Variants in RFTN2 observed in about 807,000 individuals in gnomAD.
RFTN2 encodes raftlin family member 2.
In RFTN2, 34 loss-of-function variants were observed where a neutral mutation model predicts 52.7. The observed-to-expected ratio is 0.64, with a 90% CI of 0.49 to 0.86. The LOEUF (loss-of-function observed/expected upper bound fraction) is 0.86. Among genes scored for constraint, RFTN2 ranks in the 40% least tolerant of loss-of-function variants. The pLI is 0.00. For synonymous variants in RFTN2, 203 were observed against 217.7 expected (o/e 0.93, Z 0.59); for missense variants, 536 against 600.1 (o/e 0.89, Z 1.12).
chr2:197,649,759 T>A (rs773002869), intron 1 of RFTN2, among the ~76,000 whole-genome samples: 19 of 152,196 alleles, frequency 1.2e-4, no homozygotes, highest in Non-Finnish European at 1.8e-4. Context: ...AACACTCTGT[T>A]CTTTGCAATC....
chr2:197,574,891 A>G (rs1160892988), intron 8 of RFTN2, among the ~76,000 whole-genome samples: 1 of 151,996 alleles, frequency 6.6e-6, no homozygotes, highest in African/African-American at 2.4e-5. Context: ...ACAAACAAAC[A>G]AACAAACAAA....
intron 1 of RFTN2, among the ~76,000 whole-genome samples, chr2:197,646,994 G>A (rs980410210): frequency 6.7e-6 from 1 of 149,350 alleles, no homozygotes; most frequent in Non-Finnish European, 1.5e-5. Flanking sequence ...TCAGAAAAAA[G>A]GAAAAGTGAC....
chr2:197,637,013 T>C (rs1323811516), intron 3 of RFTN2, among the ~76,000 whole-genome samples: 1 of 152,038 alleles, frequency 6.6e-6, no homozygotes, highest in Non-Finnish European at 1.5e-5. Context: ...GGTTTTTGTC[T>C]TTGGCTCTGT....
At chr2:197,607,030 C>T (rs534780052) in intron 7 of RFTN2, among the ~76,000 whole-genome samples, 3 of 152,244 alleles carry the variant, frequency 2.0e-5, no homozygotes, top group Admixed American at 1.3e-4. Context: ...CACATGCACA[C>T]GTATGTTTAT....
intron 3 of RFTN2, among the ~76,000 whole-genome samples, chr2:197,643,462 T>C (rs2088702903): frequency 6.6e-6 from 1 of 152,192 alleles, no homozygotes; most frequent in Non-Finnish European, 1.5e-5. Context: ...TGGTGAGGTA[T>C]TAGTTCTCAG....
chr2:197,650,081 G>GT (rs1194773487), intron 1 of RFTN2, among the ~76,000 whole-genome samples: 2 of 151,696 alleles, frequency 1.3e-5, no homozygotes, highest in Non-Finnish European at 2.9e-5. Flanking sequence ...TGTCATGTAT[G>GT]TTTTACTACA....
chr2:197,674,360 A>AAAAAAAAAAAAAAT, intron 1 of RFTN2, among the ~76,000 whole-genome samples: 1 of 149,720 alleles, frequency 6.7e-6, no homozygotes, highest in Non-Finnish European at 1.5e-5. Flanking sequence ...AAAAAAAAAA[A>AAAAAAAAAAAAAAT]AAAGAAAAGA....
Position 197,568,242 on chromosome 2 carries a change from G to C in RFTN2, c.*3766C>G, listed in dbSNP as rs769942752. On this transcript the variant is annotated 3_prime_UTR_variant, in exon 9 of 9. Coordinates refer to ENST00000295049, the MANE Select transcript of RFTN2 (RefSeq NM_144629.3). ...TTATACATTTATCTTACACATAAATGATTCATTTATTCCATTGATTTAATT... is the reference window on the plus strand; with the variant it reads ...TTATACATTTATCTTACACATAAATCATTCATTTATTCCATTGATTTAATT... 6.6e-6 allele frequency: 1 copy of C among 152,152 alleles called. No homozygotes were observed. Among genetic ancestry groups the C allele is most frequent in the Non-Finnish European group, 1.5e-5 (1 of 68,028 alleles). The allele number at this position is 152,152 out of a possible 1,614,324, so 9.4% of individuals were successfully genotyped here.
At chr2:197,582,910 C>G (rs1025600497) in intron 8 of RFTN2, among the ~76,000 whole-genome samples, 8 of 152,128 alleles carry the variant, frequency 5.3e-5, no homozygotes, top group Non-Finnish European at 8.8e-5. Flanking sequence ...CTGTCCCTCA[C>G]GGCCAGTTTT....
intron 7 of RFTN2, among the ~76,000 whole-genome samples, chr2:197,612,999 A>T (rs1003885276): frequency 7.2e-5 from 11 of 152,252 alleles, no homozygotes; most frequent in Non-Finnish European, 1.6e-4. Flanking sequence ...CGCAAAAAGA[A>T]GATGATGATA....
Position 197,624,616 on chromosome 2 carries a change from A to G in RFTN2, c.928+6395T>C, listed in dbSNP as rs180899130. On this transcript the variant is annotated intron_variant, in intron 5 of 8. Transcript: ENST00000295049. ...CTGTCTCAAAAAAAAAAAAAAAAAA[A>G]AAAAAGAAAGAGCCAATTGATGCAG... Among the ~76,000 whole-genome samples the G allele has an allele frequency of 3.0e-3, 458 of 150,518 alleles. 1 individual carries two copies. Among genetic ancestry groups the G allele is most frequent in the South Asian group, 5.7e-3 (27 of 4,756 alleles).
At chr2:197,665,763 A>G (rs2089047590) in intron 1 of RFTN2, among the ~76,000 whole-genome samples, 1 of 144,716 alleles carries the variant, frequency 6.9e-6, no homozygotes, top group African/African-American at 2.5e-5. Context: ...ATCTACTTAC[A>G]TTCAAGGTTA....
At chr2:197,639,949 C>T (rs1375740996) in intron 3 of RFTN2, among the ~76,000 whole-genome samples, 9 of 151,718 alleles carry the variant, frequency 5.9e-5, no homozygotes, top group South Asian at 2.1e-4. Flanking sequence ...TGTTAGTTTT[C>T]CTTCTAACAG....
At chr2:197,674,971 A>C (rs1157623184) in intron 1 of RFTN2, among the ~76,000 whole-genome samples, 2 of 152,164 alleles carry the variant, frequency 1.3e-5, no homozygotes. Context: ...GTGATTTTCA[A>C]ATCTTTTTCA....
At chr2:197,612,837 T>C (rs958719020) in intron 7 of RFTN2, among the ~76,000 whole-genome samples, 1 of 151,012 alleles carries the variant, frequency 6.6e-6, no homozygotes, top group African/African-American at 2.4e-5. Flanking sequence ...AAACAGCTTA[T>C]ATATAGGCCA....
intron 1 of RFTN2, among the ~76,000 whole-genome samples, chr2:197,661,978 T>TA (rs1406432616): frequency 2.0e-5 from 3 of 152,204 alleles, no homozygotes; most frequent in Non-Finnish European, 4.4e-5. Context: ...GCCCACTTTT[T>TA]AACGTGATTT....
At chr2:197,590,718 A>G (rs1019608435) in intron 8 of RFTN2, among the ~76,000 whole-genome samples, 1 of 151,844 alleles carries the variant, frequency 6.6e-6, no homozygotes, top group Non-Finnish European at 1.5e-5. Context: ...TGGTTCAGGA[A>G]TGAACCCGCA....
intron 8 of RFTN2, among the ~76,000 whole-genome samples, chr2:197,590,888 G>C (rs1464094392): frequency 6.6e-6 from 1 of 152,186 alleles, no homozygotes; most frequent in Non-Finnish European, 1.5e-5. Flanking sequence ...AGAGGGAGCA[G>C]CAGCACAATT....
chr2:197,583,881 G>A (rs1024101680), intron 8 of RFTN2, among the ~76,000 whole-genome samples: 1 of 152,014 alleles, frequency 6.6e-6, no homozygotes, highest in African/African-American at 2.4e-5. Flanking sequence ...TGTGGTGTTT[G>A]GTTTTTTGTC....
Sources: allele counts gnomAD v4.1 joint callset (sites outside exome capture counted in the v4.1 genomes callset), GRCh38; gene constraint gnomAD v4.1.1; transcripts MANE v1.5; gene names NCBI Gene and HGNC (gene_info 2026-07-23, HGNC 2026-07-21).